The following TAF15 variants were observed in gnomAD, a reference collection of about 807,000 sequenced individuals.
The protein encoded by TAF15 is TATA-box binding protein associated factor 15, also known as TATA-binding protein-associated factor 2N.
TAF15 carries 37 observed loss-of-function variants against 102.5 expected under a neutral mutation model. That is an observed-to-expected ratio of 0.36 (90% CI 0.28 to 0.47). The LOEUF (loss-of-function observed/expected upper bound fraction) is 0.47. Among genes scored for constraint, TAF15 ranks in the 20% least tolerant of loss-of-function variants. TAF15 has a pLI of 0.99. For synonymous variants in TAF15, 273 were observed against 259.2 expected (o/e 1.05, Z -0.51); for missense variants, 652 against 760.7 (o/e 0.86, Z 1.68).
chr17:35,833,781 G>A, intron 7 of TAF15, 126 bp from the exon 8 acceptor site: 1 of 872,910 alleles, frequency 1.1e-6, no homozygotes, highest in Non-Finnish European at 1.9e-6. Flanking sequence ...GGAATTTACT[G>A]AAAACTTAGA....
At chr17:35,827,175 A>C (rs1045738216) in intron 7 of TAF15, among the ~76,000 whole-genome samples, 1 of 151,686 alleles carries the variant, frequency 6.6e-6, no homozygotes, top group African/African-American at 2.4e-5. Flanking sequence ...TTCCACTAAA[A>C]CTACAAAAAA....
intron 10 of TAF15, among the ~76,000 whole-genome samples, chr17:35,836,603 A>T (rs1276592745): frequency 5.9e-5 from 9 of 152,190 alleles, no homozygotes; most frequent in Admixed American, 5.9e-4. Flanking sequence ...TTTAATGTTT[A>T]TGCTAGAGAT....
At chr17:35,825,908 C>T (rs1013260547) in intron 7 of TAF15, among the ~76,000 whole-genome samples, 9 of 151,684 alleles carry the variant, frequency 5.9e-5, no homozygotes, top group African/African-American at 1.5e-4. Context: ...GAGCCGAGAT[C>T]GTGCCACTGC....
chr17:35,823,774 T>G, intron 6 of TAF15: 1 of 382,812 alleles, frequency 2.6e-6, no homozygotes, highest in Non-Finnish European at 4.9e-6. Flanking sequence ...TTCTTGTAGC[T>G]AAGATTGTAT....
At chr17:35,810,254 GAGCCTTGTCTATCTATTATTGATA>G (rs1237441234) in intron 1 of TAF15, 1 of 157,556 alleles carries the variant, frequency 6.3e-6, no homozygotes, top group Non-Finnish European at 1.4e-5. Flanking sequence ...GTTTGAAAGT[GAGCCTTGTCTATCTATTATTGATA>G]AGCTCCTGTA....
At chr17:35,811,475 T>C (rs2087123803) in intron 1 of TAF15, 1 of 152,272 alleles carries the variant, frequency 6.6e-6, no homozygotes, top group African/African-American at 2.4e-5. Flanking sequence ...CTTGGTATAC[T>C]ATTTATATGT....
chr17:35,837,285 G>A (rs945306101), intron 10 of TAF15, among the ~76,000 whole-genome samples: 1 of 150,650 alleles, frequency 6.6e-6, no homozygotes, highest in Non-Finnish European at 1.5e-5. Flanking sequence ...CTGAGTAGTT[G>A]GAACCACTAA....
chr17:35,834,762 T>TTTTTTTTTTTTTTTTTTTTTTTTTGG (rs2087453263), intron 9 of TAF15, among the ~76,000 whole-genome samples, 164 bp downstream of exon 9: 1 of 145,852 alleles, frequency 6.9e-6, no homozygotes, highest in Admixed American at 6.8e-5. Flanking sequence ...TTTTTTTTTT[T>TTTTTTTTTTTTTTTTTTTTTTTTTGG]GAGATGGAGT....
At chr17:35,809,863 G>T (rs2087104509) in intron 1 of TAF15, 4 of 583,570 alleles carry the variant, frequency 6.9e-6, no homozygotes, top group South Asian at 2.0e-5. Flanking sequence ...GTGTGAGTCG[G>T]GGGGCGGAGG....
intron 9 of TAF15, 42 bp downstream of exon 9, chr17:35,834,640 G>C (rs1335948322): frequency 1.3e-6 from 2 of 1,527,444 alleles, no homozygotes; most frequent in Admixed American, 3.5e-5. Context: ...TTAAGAAAAT[G>C]TTAGTTTTTT....
chr17:35,826,984 CCT>C (rs2087338422), intron 7 of TAF15, among the ~76,000 whole-genome samples: 1 of 151,374 alleles, frequency 6.6e-6, no homozygotes, highest in African/African-American at 2.4e-5. Context: ...ATATAGATGC[CCT>C]GTTTTAAGAT....
In TAF15 at chr17:35,809,488, C is replaced by A; in HGVS notation, c.-82C>A. 1.9e-6 allele frequency: 3 copies of A among 1,596,858 alleles called. No individual in the cohort carries two copies. The highest frequency in any genetic ancestry group is 2.6e-6 in the Non-Finnish European group (3 of 1,170,782). ...TCAGCCCGCCGCGCCGCCCTCAGTA[C>A]AGCTCCGGCCGCCGCGCCGCCTGGC... On this transcript the variant is annotated 5_prime_UTR_variant, in exon 1 of 16. Transcript: ENST00000605844.
intron 7 of TAF15, among the ~76,000 whole-genome samples, chr17:35,829,450 G>C (rs992578591): frequency 4.8e-4 from 72 of 151,078 alleles, no homozygotes; most frequent in African/African-American, 1.7e-3. Flanking sequence ...GGCTAACATG[G>C]TGAAACTCCA....
Position 35,822,849 on chromosome 17 carries a change from CT to C in TAF15, c.484+17del. ...CACACACAAGGTAAGATTTACTGACCTCTATTATTATTTTTCCCCCTCTCAG... is the reference window on the plus strand; with the variant it reads ...CACACACAAGGTAAGATTTACTGACCCTATTATTATTTTTCCCCCTCTCAG... On this transcript the variant is annotated intron_variant, in intron 6 of 15. Coordinates refer to ENST00000605844, the MANE Select transcript of TAF15 (RefSeq NM_139215.3). The C allele has an allele frequency of 1.2e-6, 2 of 1,612,890 alleles. No individual in the cohort carries two copies. Among genetic ancestry groups the C allele is most frequent in the Non-Finnish European group, 1.7e-6 (2 of 1,178,860 alleles).
At chr17:35,827,222 G>C (rs2087341041) in intron 7 of TAF15, among the ~76,000 whole-genome samples, 1 of 151,818 alleles carries the variant, frequency 6.6e-6, no homozygotes, top group African/African-American at 2.4e-5. Context: ...TGTAGTCCCA[G>C]CTACCCTGGA....
In TAF15 at chr17:35,822,717, A is replaced by G. The variant is rs962733364; in HGVS notation, c.368A>G (p.Asp123Gly). ...TCATATGACCAGCAGTCAGGCTATG[A>G]TCAACATCAAGGCTCATATGATGAG... ...QDSYDQQSGY[D>G]QHQGSYDEQS... is the part of the protein sequence containing the mutation. The change falls in exon 6 of 16, where the codon GAT (aspartate) becomes GGT (glycine). Residue 123 changes from aspartate to glycine, a missense_variant. Coordinates refer to ENST00000605844, the MANE Select transcript of TAF15 (RefSeq NM_139215.3). 1.2e-6 allele frequency: 2 copies of G among 1,614,204 alleles called. No individual in the cohort carries two copies. The highest frequency in any genetic ancestry group is 1.7e-6 in the Non-Finnish European group (2 of 1,180,032).
chr17:35,846,797 T>G, intron 15 of TAF15, 109 bp from the exon 16 acceptor site: 1 of 1,139,008 alleles, frequency 8.8e-7, no homozygotes, highest in Admixed American at 1.8e-5. Flanking sequence ...GTGTCATTCT[T>G]TAGAAATTGT....
At chr17:35,839,688 C>CT (rs898456612) in intron 11 of TAF15, among the ~76,000 whole-genome samples, 105 of 151,826 alleles carry the variant, frequency 6.9e-4, no homozygotes, top group Non-Finnish European at 1.1e-3. Context: ...GGCCGAGATG[C>CT]TTTTTTTAAC....
At chr17:35,811,798 A>G (rs778867889) in intron 1 of TAF15, among the ~76,000 whole-genome samples, 17 of 152,392 alleles carry the variant, frequency 1.1e-4, no homozygotes, top group Middle Eastern at 3.4e-3. Flanking sequence ...ACGAATTCAA[A>G]TCAGTTACAC....
Sources: gnomAD v4.1 joint callset for allele counts (sites outside exome capture counted in the v4.1 genomes callset) on GRCh38, gnomAD v4.1.1 for gene constraint, MANE v1.5 for transcripts, NCBI Gene and HGNC (gene_info 2026-07-23, HGNC 2026-07-21) for gene names.